Variants in DGKB observed in about 807,000 individuals in gnomAD.
The protein encoded by DGKB is 90 kDa diacylglycerol kinase.
Under a neutral mutation model 114.3 loss-of-function variants are expected in DGKB, and 67 were observed. That is an observed-to-expected ratio of 0.59 (90% CI 0.48 to 0.72). DGKB has a LOEUF of 0.72. DGKB is among the 30% of genes least tolerant of loss of function. DGKB has a pLI of 0.00. For missense variants in DGKB, 907 were observed against 975.2 expected (o/e 0.93, Z 0.93); for synonymous variants, 398 against 323.1 (o/e 1.23, Z -2.49).
chr7:14,148,081 C>T lies in DGKB; in HGVS notation c.*1050G>A, dbSNP rs766069882. On this transcript the variant is annotated 3_prime_UTR_variant, in exon 26 of 26. Transcript: ENST00000402815. The stretch of plus-strand genomic sequence containing the variant: ...TACTTAACTGATCCATGAAAAATTA[C>T]ACCTATATTTATAAATGACTGAAAA... The T allele has an allele frequency of 6.6e-6, 1 of 152,106 alleles. No individual in the cohort carries two copies. Among genetic ancestry groups the T allele is most frequent in the African/African-American group, 2.4e-5 (1 of 41,420 alleles). 9.4% of individuals were successfully genotyped at this position (152,106 alleles called of 1,614,324 possible). A position where few individuals can be genotyped will look rare whatever the true frequency, so the allele number is the denominator to read the frequency against.
chr7:14,741,974 T>A (rs560708453), intron 4 of DGKB, among the ~76,000 whole-genome samples: 34 of 152,366 alleles, frequency 2.2e-4, no homozygotes, highest in African/African-American at 7.9e-4. Flanking sequence ...GAAAGGTTTT[T>A]TCCCCAGTCA....
chr7:14,842,002 G>A (rs1229437245), intron 1 of DGKB, among the ~76,000 whole-genome samples: 1 of 152,150 alleles, frequency 6.6e-6, no homozygotes, highest in Non-Finnish European at 1.5e-5. Flanking sequence ...TGATTCTATT[G>A]TGAATCACGC....
intron 20 of DGKB, among the ~76,000 whole-genome samples, chr7:14,558,729 C>T (rs1312122340): frequency 6.6e-6 from 1 of 152,142 alleles, no homozygotes; most frequent in Non-Finnish European, 1.5e-5. Context: ...CTCTACTCAC[C>T]TGCTCAGCAA....
rs1250960608 is a variant in DGKB, at chr7:14,580,894, T to C, written c.1577A>G (p.Asn526Ser). The change falls in exon 19 of 26, where the codon AAT becomes AGT. Residue 526 changes from asparagine to serine, a missense_variant. Asn to Ser is a conservative substitution (Grantham distance 46). This residue lies in a region of DGKB where 814 missense variants were observed against 856.6 expected (regional missense o/e 0.95). Transcript: ENST00000402815. ...CCATCGCAGGCATCTTGCTAGATCATTGCCAGTCCCAAGAGGCAGAATCGC... is the reference window on the plus strand; with the variant it reads ...CCATCGCAGGCATCTTGCTAGATCACTGCCAGTCCCAAGAGGCAGAATCGC... The part of the protein sequence containing the change: ...PVAILPLGTG[N>S]DLARCLRWGG... 6.2e-7 allele frequency: 1 copy of C among 1,605,182 alleles called. No individual in the cohort carries two copies. The highest frequency in any genetic ancestry group is 8.5e-7 in the Non-Finnish European group (1 of 1,173,826).
chr7:14,945,995 TTAAA>T (rs1235063732), intron 1 of DGKB, among the ~76,000 whole-genome samples: 1 of 151,606 alleles, frequency 6.6e-6, no homozygotes, highest in Non-Finnish European at 1.5e-5. Context: ...TGCTGCGTAA[TTAAA>T]TATTTTCCTT....
chr7:14,232,344 C>T (rs1169301337), intron 23 of DGKB, among the ~76,000 whole-genome samples: 3 of 149,394 alleles, frequency 2.0e-5, no homozygotes, highest in African/African-American at 5.0e-5. Flanking sequence ...CTCGAAATTC[C>T]TTGCCCACAA....
chr7:14,239,288 C>T (rs1345006057), intron 23 of DGKB, among the ~76,000 whole-genome samples: 1 of 113,370 alleles, frequency 8.8e-6, no homozygotes, highest in Non-Finnish European at 1.8e-5. Flanking sequence ...AACATTATTG[C>T]TGATTTCAAA....
chr7:14,599,327 C>A (rs1803135169), intron 17 of DGKB, among the ~76,000 whole-genome samples: 1 of 152,154 alleles, frequency 6.6e-6, no homozygotes, highest in Non-Finnish European at 1.5e-5. Context: ...AATCCTAAAA[C>A]CCTCTGTGAA....
At position 14,944,055 on chromosome 7, in the gene DGKB, G is replaced by A. The variant is rs146041394; in HGVS notation, c.-188+30641C>T. ...GATAAATGAATTAAAGCTCATCATC[G>A]ATCCCATTGTTATAATAATATTTCA... On this transcript the variant is annotated intron_variant, in intron 1 of 4. Transcript: ENST00000437998. 3.6e-3 allele frequency among the ~76,000 whole-genome samples: 553 copies of A among 151,876 alleles called. 2 individuals are homozygous for A. Among genetic ancestry groups the A allele is most frequent in the African/African-American group, 0.013 (529 of 41,488 alleles).
At chr7:14,326,311 T>C (rs1324837087) in intron 23 of DGKB, among the ~76,000 whole-genome samples, 1 of 152,070 alleles carries the variant, frequency 6.6e-6, no homozygotes, top group Non-Finnish European at 1.5e-5. Flanking sequence ...GCCCATGGAA[T>C]ATGATAACTC....
intron 21 of DGKB, among the ~76,000 whole-genome samples, chr7:14,372,998 A>G (rs1159974949): frequency 6.6e-6 from 1 of 152,184 alleles, no homozygotes; most frequent in Admixed American, 6.5e-5. Flanking sequence ...CCACAACTCT[A>G]CGTTTGATCC....
intron 1 of DGKB, among the ~76,000 whole-genome samples, chr7:14,854,130 A>T (rs559841429): frequency 2.6e-5 from 4 of 152,234 alleles, no homozygotes; most frequent in African/African-American, 9.6e-5. Flanking sequence ...TATATTACCC[A>T]TAGGATTATA....
intron 1 of DGKB, among the ~76,000 whole-genome samples, chr7:14,896,760 A>AT (rs1287257883): frequency 2.0e-5 from 3 of 151,826 alleles, no homozygotes; most frequent in Admixed American, 6.6e-5. Context: ...AATAGTAAGG[A>AT]TTTTACATCC....
intron 2 of DGKB, among the ~76,000 whole-genome samples, chr7:14,763,631 C>T (rs568598035): frequency 6.6e-6 from 1 of 151,988 alleles, no homozygotes; most frequent in Non-Finnish European, 1.5e-5. Flanking sequence ...ATTACAACAG[C>T]TAAAATCACA....
intron 1 of DGKB, among the ~76,000 whole-genome samples, chr7:14,851,171 A>T (rs1315370509): frequency 3.3e-5 from 5 of 152,172 alleles, no homozygotes; most frequent in Non-Finnish European, 5.9e-5. Context: ...TTAGAGGAGT[A>T]TGTGGGTGGC....
At chr7:14,954,819 A>G (rs1437136197) in intron 1 of DGKB, among the ~76,000 whole-genome samples, 1 of 152,118 alleles carries the variant, frequency 6.6e-6, no homozygotes, top group African/African-American at 2.4e-5. Context: ...AGTTGGTTAC[A>G]TAGAGCTGAA....
chr7:14,165,192 G>A (rs958237957), intron 25 of DGKB, among the ~76,000 whole-genome samples: 1 of 152,104 alleles, frequency 6.6e-6, no homozygotes, highest in Non-Finnish European at 1.5e-5. Flanking sequence ...CTGTTAAAGT[G>A]CTAGGAAAGT....
chr7:14,656,739 A>C (rs1354701809), intron 13 of DGKB, among the ~76,000 whole-genome samples: 1 of 83,222 alleles, frequency 1.2e-5, no homozygotes, highest in African/African-American at 5.5e-5. Context: ...TATACAGTAT[A>C]TATATAGGAT....
chr7:14,703,737 T>A (rs138459254), intron 6 of DGKB, among the ~76,000 whole-genome samples: 137 of 152,292 alleles, frequency 9.0e-4, no homozygotes, highest in Admixed American at 8.9e-3. Flanking sequence ...CATTTGGTCA[T>A]CGTTCCTGAA....
Sources: allele counts gnomAD v4.1 joint callset (sites outside exome capture counted in the v4.1 genomes callset), GRCh38; gene constraint gnomAD v4.1.1; regional missense constraint gnomAD v4.1.1; transcripts MANE v1.5; gene names NCBI Gene and HGNC (gene_info 2026-07-23, HGNC 2026-07-21).